Variants in GOT2 observed in about 807,000 individuals in gnomAD.
GOT2 encodes the protein glutamic-oxaloacetic transaminase 2.
In GOT2, 17 loss-of-function variants were observed where a neutral mutation model predicts 50.0. The ratio of observed to expected loss-of-function variants is 0.34; its 90% CI spans 0.23 to 0.51. The LOEUF (loss-of-function observed/expected upper bound fraction) is 0.51, where lower values mean the gene tolerates loss of function less well. Ranked by LOEUF, GOT2 falls within the 20% of genes least tolerant of loss-of-function variation. The pLI is 0.97. For synonymous variants in GOT2, 172 were observed against 204.9 expected, an observed-to-expected ratio of 0.84 and a Z score of 1.37; for missense variants, 430 against 559.6, an observed-to-expected ratio of 0.77 and a Z score of 2.34.
At chr16:58,710,008 A>G (rs2044632937) in intron 8 of GOT2, among the ~76,000 whole-genome samples, 1 of 152,168 alleles carries the variant, frequency 6.6e-6, no homozygotes, top group Non-Finnish European at 1.5e-5. Flanking sequence ...TGTTCTGAGC[A>G]TGTTTAAAGT....
chr16:58,729,498 G>GAA (rs35946557), intron 1 of GOT2, among the ~76,000 whole-genome samples: 11 of 94,422 alleles, frequency 1.2e-4, no homozygotes, highest in African/African-American at 2.1e-4. Context: ...GTCTCAGGAA[G>GAA]AAAAAAAAAA....
rs2044619506 is a variant in GOT2 at position 58,708,359 on chromosome 16, C to A, written c.1171-66G>T. 3.3e-6 allele frequency: 5 copies of A among 1,503,158 alleles called. No homozygotes were observed. The Admixed American group carries it at 9.2e-5, about 28-fold the overall frequency. The allele number at this position is 1,503,158 out of a possible 1,614,324, so 93.1% of individuals were successfully genotyped here. On this transcript the variant is annotated intron_variant, in intron 9 of 9. Coordinates refer to ENST00000245206, the MANE Select transcript of GOT2 (RefSeq NM_002080.4). ...GGGGATTCTCCCCGGCCTGACATGG[C>A]ACAGTAGCCAACTTACCAACGCTCT...
intron 1 of GOT2, among the ~76,000 whole-genome samples, chr16:58,726,483 C>CTTTATTTATTTA (rs56257846): frequency 0.15 from 21,352 of 144,458 alleles, 1,948 homozygotes; most frequent in African/African-American, 0.23. Context: ...CCCCGGCCTG[C>CTTTATTTATTTA]TTTATTTATT....
At position 58,719,270 on chromosome 16, in the gene GOT2, C is replaced by T; in HGVS notation, c.376-15G>A. 1 of 1,604,512 alleles carries T rather than the reference C, an allele frequency of 6.2e-7. No homozygotes were observed. The highest frequency in any genetic ancestry group is 8.5e-7 in the Non-Finnish European group (1 of 1,171,496). The stretch of plus-strand genomic sequence containing the variant: ...ACAGTGACAAACTGAAGGAGAGATA[C>T]CCACGGTCAGTGATGTGCAACACTC... On this transcript the variant is annotated splice_polypyrimidine_tract_variant and intron_variant, in intron 3 of 9. Transcript: ENST00000245206.
At chr16:58,729,917 ATTTT>A (rs879572369) in intron 1 of GOT2, among the ~76,000 whole-genome samples, 2 of 151,970 alleles carry the variant, frequency 1.3e-5, no homozygotes, top group African/African-American at 4.8e-5. Flanking sequence ...GGGATACTCA[ATTTT>A]TTTTTTAAAA....
chr16:58,730,918 A>G (rs570499806), intron 1 of GOT2, among the ~76,000 whole-genome samples: 2 of 152,362 alleles, frequency 1.3e-5, no homozygotes, highest in African/African-American at 4.8e-5. Context: ...ACATTGAGCA[A>G]TATTGACTGG....
intron 6 of GOT2, among the ~76,000 whole-genome samples, chr16:58,717,458 G>A (rs1228649532): frequency 6.6e-6 from 1 of 152,120 alleles, no homozygotes; most frequent in Non-Finnish European, 1.5e-5. Flanking sequence ...TGAGACAACA[G>A]GAATAACATT....
chr16:58,723,272 A>G (rs553293686), intron 2 of GOT2, among the ~76,000 whole-genome samples: 3 of 152,384 alleles, frequency 2.0e-5, no homozygotes, highest in South Asian at 2.1e-4. Flanking sequence ...TAATAAAAAT[A>G]TAACAAAAGA....
intron 8 of GOT2, among the ~76,000 whole-genome samples, chr16:58,713,677 T>C (rs542056431): frequency 2.6e-5 from 4 of 152,210 alleles, no homozygotes; most frequent in Non-Finnish European, 5.9e-5. Flanking sequence ...TGCTCAGAGA[T>C]GTGACCTCTC....
chr16:58,713,202 G>C (rs2044664555), intron 8 of GOT2, among the ~76,000 whole-genome samples: 1 of 152,100 alleles, frequency 6.6e-6, no homozygotes, highest in African/African-American at 2.4e-5. Flanking sequence ...AGCTGAGTTA[G>C]AATAGCTAGA....
chr16:58,722,251 A>C lies in GOT2; in HGVS notation c.274T>G (p.Leu92Val), dbSNP rs768115428. 1 of 1,613,556 alleles carries C rather than the reference A, an allele frequency of 6.2e-7. No individual in the cohort carries two copies. The highest frequency in any genetic ancestry group is 1.3e-5 in the African/African-American group (1 of 74,914). The change falls in exon 3 of 10, where the codon TTG (leucine) becomes GTG (valine). Residue 92 changes from leucine to valine, a missense_variant. By Grantham distance (32) the Leu-to-Val change is conservative (BLOSUM62 1). Transcript: ENST00000245206. ...CCAATGGGCAGGTATTCCTTGTCCA[A>C]ATTTTTTGCGGCAATCTGGGCCTCT... is the stretch of plus-strand genomic sequence containing the variant. ...KAEAQIAAKN[L>V]DKEYLPIGGL...
rs2044820701 is a variant in GOT2, at chr16:58,729,943, TATGTTC to T, written c.89+4191_89+4196del. 3.9e-5 allele frequency among the ~76,000 whole-genome samples: 6 copies of T among 152,226 alleles called. No individual in the cohort carries two copies. The South Asian group carries it at 1.2e-3, about 32-fold the overall frequency. On this transcript the variant is annotated intron_variant, in intron 1 of 9. Coordinates refer to ENST00000245206, the MANE Select transcript of GOT2 (RefSeq NM_002080.4). ...TTTTTTTTTTAAAAATGTAATAAAT[TATGTTC>T]ATTTTACAATTACAATGCTAGTTTT...
chr16:58,718,130 C>T (rs1039879481), intron 6 of GOT2, 66 bp downstream of exon 6: 26 of 1,119,876 alleles, frequency 2.3e-5, no homozygotes, highest in South Asian at 1.8e-4. Flanking sequence ...TGAGACATTG[C>T]CAAATTAAGC....
chr16:58,716,113 T>G lies in GOT2; in HGVS notation c.920A>C (p.Gln307Pro). The G allele has an allele frequency of 6.2e-7, 1 of 1,613,986 alleles. No individual in the cohort carries two copies. The highest frequency in any genetic ancestry group is 1.3e-5 in the African/African-American group (1 of 75,030). Reference protein sequence around the residue: ...DADEAKRVESQLKILIRPMYS... With the variant: ...DADEAKRVESPLKILIRPMYS... ...CATGGGACGGATCAAGATCTTCAAC[T>G]GTGACTCTACCCTTTTGGCTTCATC... The change falls in exon 8 of 10, where the codon CAG (glutamine) becomes CCG (proline). Residue 307 changes from glutamine (Q) to proline (P), a missense_variant. Gln to Pro is a moderately conservative substitution (Grantham distance 76, BLOSUM62 -1). Coordinates refer to ENST00000245206, the MANE Select transcript of GOT2 (RefSeq NM_002080.4).
rs2044616037 is a variant in GOT2 at position 58,707,824 on chromosome 16, G to A, written c.*347C>T. The stretch of plus-strand genomic sequence containing the variant: ...GCCTCTAACGTGTGCTGTTTCTCAC[G>A]AGGAACCTGACACTTCAGTTAAAGC... On this transcript the variant is annotated 3_prime_UTR_variant, in exon 10 of 10. Coordinates refer to ENST00000245206, the MANE Select transcript of GOT2 (RefSeq NM_002080.4). The A allele has an allele frequency of 1.2e-5, 2 of 171,796 alleles. No homozygotes were observed. The highest frequency in any genetic ancestry group is 2.5e-5 in the Non-Finnish European group (2 of 80,112). 10.6% of individuals were successfully genotyped at this position (171,796 alleles called of 1,614,324 possible).
chr16:58,719,999 C>A (rs564456557), intron 3 of GOT2, among the ~76,000 whole-genome samples: 1 of 152,190 alleles, frequency 6.6e-6, no homozygotes, highest in South Asian at 2.1e-4. Flanking sequence ...GTCAGGAGTT[C>A]GAGATCAGCC....
intron 8 of GOT2, among the ~76,000 whole-genome samples, chr16:58,710,496 T>C (rs1202602862): frequency 1.3e-5 from 2 of 151,000 alleles, no homozygotes; most frequent in Non-Finnish European, 2.9e-5. Context: ...CCTCCCAAAA[T>C]GCTAGGATTA....
rs1261931345 is a variant in GOT2, at chr16:58,711,891, CA to C, written c.1020-2325del. Among the ~76,000 whole-genome samples the C allele has an allele frequency of 2.6e-5, 4 of 152,156 alleles. No individual in the cohort carries two copies. In the East Asian group the frequency reaches 7.7e-4, roughly 29 times the overall value. The stretch of plus-strand genomic sequence containing the variant: ...TGGAGAATCAAGTGTTGACTTCTTA[CA>C]GTATCAACCAGGGTGCTTCACGATC... On this transcript the variant is annotated intron_variant, in intron 8 of 9. Coordinates refer to ENST00000245206, the MANE Select transcript of GOT2 (RefSeq NM_002080.4).
chr16:58,733,234 T>C (rs1397723119), intron 1 of GOT2, among the ~76,000 whole-genome samples: 1 of 152,176 alleles, frequency 6.6e-6, no homozygotes, highest in Non-Finnish European at 1.5e-5. Context: ...TTTCAAGCTC[T>C]GAAATTTCCC....
Sources: allele counts gnomAD v4.1 joint callset (sites outside exome capture counted in the v4.1 genomes callset), GRCh38; gene constraint gnomAD v4.1.1; transcripts MANE v1.5; gene names NCBI Gene and HGNC (gene_info 2026-07-23, HGNC 2026-07-21).